Variants in ERBB4 observed in about 807,000 individuals in gnomAD.
The protein encoded by ERBB4 is receptor tyrosine-protein kinase erbB-4.
A neutral mutation model predicts 158.0 loss-of-function variants in ERBB4; 42 were observed. The observed-to-expected ratio is 0.27, with a 90% CI of 0.21 to 0.34. The LOEUF (loss-of-function observed/expected upper bound fraction) is 0.34, where lower values mean the gene tolerates loss of function less well. Ranked by LOEUF, ERBB4 falls within the 10% of genes least tolerant of loss-of-function variation. The probability of loss-of-function intolerance (pLI) is 1.00; values close to 1 mark genes in which losing one functional copy is unlikely to be tolerated. For missense variants in ERBB4, 1,333 were observed against 1,624.1 expected, an observed-to-expected ratio of 0.82 and a Z score of 3.08; for synonymous variants, 583 against 558.7, an observed-to-expected ratio of 1.04 and a Z score of -0.61.
chr2:212,488,563 C>T (rs1225274318), intron 1 of ERBB4, among the ~76,000 whole-genome samples: 1 of 151,906 alleles, frequency 6.6e-6, no homozygotes, highest in Non-Finnish European at 1.5e-5. Flanking sequence ...AAATTGCAGT[C>T]AAGATTTGGG....
At position 212,276,548 on chromosome 2, in the gene ERBB4, A is replaced by G. The variant is rs151239035; in HGVS notation, c.83-151645T>C. Among the ~76,000 whole-genome samples the G allele has an allele frequency of 2.9e-3, 448 of 151,914 alleles. 3 individuals carry two copies. Among genetic ancestry groups the G allele is most frequent in the African/African-American group, 0.01 (427 of 41,496 alleles). On this transcript the variant is annotated intron_variant, in intron 1 of 27. Coordinates refer to ENST00000342788, the MANE Select transcript of ERBB4 (RefSeq NM_005235.3). ...CACAAAGGGAAGGAGCAATGAGAAG[A>G]AAGTTTTTTGCAAATGTGCACAGAG...
chr2:211,490,172 T>G (rs1456738102), intron 20 of ERBB4, among the ~76,000 whole-genome samples: 2 of 152,098 alleles, frequency 1.3e-5, no homozygotes, highest in African/African-American at 4.8e-5. Flanking sequence ...GGAATTAATA[T>G]TCTCCTCACA....
chr2:211,698,082 C>T (rs7425195), intron 12 of ERBB4, among the ~76,000 whole-genome samples: 64,236 of 151,850 alleles, frequency 0.42, 13,881 homozygotes, highest in South Asian at 0.48. Context: ...TTTGGGAGGC[C>T]GAGGCGGGCG....
At chr2:211,412,375 C>T (rs1444089341) in intron 25 of ERBB4, among the ~76,000 whole-genome samples, 1 of 152,170 alleles carries the variant, frequency 6.6e-6, no homozygotes. Context: ...TTCAGATCTG[C>T]TCATCTGCTC....
intron 1 of ERBB4, among the ~76,000 whole-genome samples, chr2:212,257,089 G>T (rs1559861526): frequency 6.6e-6 from 1 of 152,054 alleles, no homozygotes; most frequent in Non-Finnish European, 1.5e-5. Flanking sequence ...AGTGTTTATT[G>T]TTCCCAACTT....
intron 1 of ERBB4, among the ~76,000 whole-genome samples, chr2:212,461,273 T>G (rs1688559247): frequency 6.6e-6 from 1 of 152,120 alleles, no homozygotes; most frequent in Admixed American, 6.5e-5. Flanking sequence ...AAAGCCAGCC[T>G]GTGAAAGCAG....
intron 13 of ERBB4, among the ~76,000 whole-genome samples, chr2:211,677,300 C>T (rs1574968456): frequency 1.3e-5 from 2 of 152,084 alleles, no homozygotes; most frequent in African/African-American, 4.8e-5. Context: ...TGCAGTGGCT[C>T]ATACCTGTAA....
intron 3 of ERBB4, among the ~76,000 whole-genome samples, chr2:211,882,294 T>C (rs115176210): frequency 0.011 from 1,648 of 152,310 alleles, 24 homozygotes; most frequent in African/African-American, 0.038. Flanking sequence ...CCCTCGGTTC[T>C]TTAGGGCTGG....
intron 2 of ERBB4, among the ~76,000 whole-genome samples, chr2:211,995,287 C>A (rs1378045123): frequency 6.6e-6 from 1 of 152,152 alleles, no homozygotes; most frequent in Non-Finnish European, 1.5e-5. Flanking sequence ...ACTGTCCTGG[C>A]TAATTTGAAA....
At chr2:211,787,958 G>A in intron 4 of ERBB4, 67 bp downstream of exon 4, 5 of 1,461,314 alleles carry the variant, frequency 3.4e-6, no homozygotes, top group East Asian at 2.3e-5. Context: ...GACATAATAA[G>A]CATAACTCAT....
chr2:211,688,118 T>A (rs938656010), intron 12 of ERBB4, among the ~76,000 whole-genome samples: 3 of 152,222 alleles, frequency 2.0e-5, no homozygotes, highest in African/African-American at 7.2e-5. Flanking sequence ...TAGCATGACA[T>A]CGTATTTGAA....
chr2:211,845,447 T>G (rs2077565857), intron 3 of ERBB4, among the ~76,000 whole-genome samples: 1 of 152,090 alleles, frequency 6.6e-6, no homozygotes, highest in African/African-American at 2.4e-5. Flanking sequence ...ATGTTAAAAG[T>G]CTTTGTTTCT....
intron 1 of ERBB4, among the ~76,000 whole-genome samples, chr2:212,427,660 A>G (rs2091943072): frequency 6.6e-6 from 1 of 152,174 alleles, no homozygotes; most frequent in Non-Finnish European, 1.5e-5. Context: ...TCTTGTAAGG[A>G]GAGAAACTAG....
intron 1 of ERBB4, among the ~76,000 whole-genome samples, chr2:212,441,712 A>G (rs1277603742): frequency 6.6e-6 from 1 of 152,034 alleles, no homozygotes. Flanking sequence ...AGGTTCTAAT[A>G]GTTTATTTGC....
Position 211,378,401 on chromosome 2 carries a change from C to T in ERBB4, c.*5214G>A, listed in dbSNP as rs2062516340. The stretch of plus-strand genomic sequence containing the variant: ...AAGTGACAGATCCTACATTTTTGGA[C>T]CTCTACAAAATCAGTGAGACTTGAA... On this transcript the variant is annotated 3_prime_UTR_variant, in exon 28 of 28. Transcript: ENST00000342788. 2 of 232,558 alleles carry T rather than the reference C, an allele frequency of 8.6e-6. No individual in the cohort carries two copies. The highest frequency in any genetic ancestry group is 1.1e-4 in the Admixed American group (2 of 17,728). 14.4% of individuals were successfully genotyped at this position (232,558 alleles called of 1,614,324 possible). A position where few individuals can be genotyped will look rare whatever the true frequency, so the allele number is the denominator to read the frequency against.
intron 2 of ERBB4, among the ~76,000 whole-genome samples, chr2:212,028,847 T>C (rs937660406): frequency 6.6e-6 from 1 of 152,078 alleles, no homozygotes; most frequent in Non-Finnish European, 1.5e-5. Flanking sequence ...TAAATGTGAA[T>C]TTTTATTGCA....
chr2:212,307,605 C>T (rs917507076), intron 1 of ERBB4, among the ~76,000 whole-genome samples: 1 of 150,826 alleles, frequency 6.6e-6, no homozygotes, highest in African/African-American at 2.4e-5. Context: ...CATTTATCTA[C>T]ATGAAAAGCA....
At chr2:211,922,638 ATTGT>A (rs2079888017) in intron 3 of ERBB4, among the ~76,000 whole-genome samples, 1 of 152,004 alleles carries the variant, frequency 6.6e-6, no homozygotes, top group Non-Finnish European at 1.5e-5. Flanking sequence ...TTAATTGTAC[ATTGT>A]GTTAATTTCT....
intron 2 of ERBB4, among the ~76,000 whole-genome samples, chr2:211,998,222 A>G (rs2076013990): frequency 6.6e-6 from 1 of 151,942 alleles, no homozygotes. Flanking sequence ...AGAATATAAC[A>G]AATGAAATAT....
Sources: allele counts gnomAD v4.1 joint callset (sites outside exome capture counted in the v4.1 genomes callset), GRCh38; gene constraint gnomAD v4.1.1; transcripts MANE v1.5; gene names NCBI Gene and HGNC (gene_info 2026-07-23, HGNC 2026-07-21).